ZFPM1: variants seen among roughly 807,000 people sequenced by gnomAD.
ZFPM1 encodes the protein zinc finger protein ZFPM1.
In ZFPM1, 28 loss-of-function variants were observed where a neutral mutation model predicts 46.3. The observed-to-expected ratio is 0.60, with a 90% confidence interval of 0.45 to 0.83. The LOEUF is 0.83. ZFPM1 is among the 40% of genes least tolerant of loss of function. ZFPM1 has a pLI of 0.00. For synonymous variants in ZFPM1, 957 were observed against 675.9 expected (o/e 1.42, Z -6.45); for missense variants, 1,878 against 1,432.4 (o/e 1.31, Z -5.02).
intron 1 of ZFPM1, among the ~76,000 whole-genome samples, chr16:88,472,785 C>G (rs776383065): frequency 6.6e-6 from 1 of 152,274 alleles, no homozygotes. Flanking sequence ...AACTCCACGC[C>G]CTCCCGGCAC....
chr16:88,465,423 G>A (rs1000221302), intron 1 of ZFPM1, among the ~76,000 whole-genome samples: 4 of 152,246 alleles, frequency 2.6e-5, no homozygotes, highest in South Asian at 2.1e-4. Context: ...GGCTGGCTGC[G>A]CCTGTCTTGG....
upstream of ZFPM1, among the ~76,000 whole-genome samples, chr16:88,452,859 C>T (rs1164180744): frequency 6.6e-6 from 1 of 152,204 alleles, no homozygotes; most frequent in Admixed American, 6.5e-5. Flanking sequence ...GGCAGCAGAA[C>T]AGAACCGAAT....
intron 1 of ZFPM1, among the ~76,000 whole-genome samples, chr16:88,463,098 T>G (rs1907973690): frequency 6.6e-6 from 1 of 152,174 alleles, no homozygotes; most frequent in African/African-American, 2.4e-5. Context: ...ACTTCCCTTT[T>G]TTCCATCAAG....
At chr16:88,465,799 G>C (rs1037116281) in intron 1 of ZFPM1, among the ~76,000 whole-genome samples, 1 of 152,226 alleles carries the variant, frequency 6.6e-6, no homozygotes, top group Non-Finnish European at 1.5e-5. Flanking sequence ...GGATAAAGCC[G>C]CCTCCTTCAG....
chr16:88,498,952 G>A (rs1013744171), intron 3 of ZFPM1, among the ~76,000 whole-genome samples: 4 of 152,182 alleles, frequency 2.6e-5, no homozygotes, highest in Admixed American at 2.6e-4. Flanking sequence ...GGCTGCACCC[G>A]GGTCCTGCCT....
intron 1 of ZFPM1, among the ~76,000 whole-genome samples, chr16:88,459,138 G>A (rs944939341): frequency 1.4e-4 from 22 of 152,234 alleles, no homozygotes; most frequent in South Asian, 4.1e-4. Context: ...GTGTGCAGGC[G>A]GCCCCCATGC....
At chr16:88,509,025 C>G (rs1256267094) in intron 3 of ZFPM1, among the ~76,000 whole-genome samples, 3 of 152,180 alleles carry the variant, frequency 2.0e-5, no homozygotes, top group Non-Finnish European at 4.4e-5. Flanking sequence ...CCCCGGTCTG[C>G]CTCCCGTGTG....
At chr16:88,508,593 G>A (rs1349159829) in intron 3 of ZFPM1, among the ~76,000 whole-genome samples, 4 of 152,226 alleles carry the variant, frequency 2.6e-5, no homozygotes, top group African/African-American at 7.2e-5. Context: ...GGTGCCTGCC[G>A]TGGGCCCTGG....
At chr16:88,516,284 C>T in intron 4 of ZFPM1, 1 of 398,314 alleles carries the variant, frequency 2.5e-6, no homozygotes, top group East Asian at 3.6e-5. Context: ...ACGGGCTGCC[C>T]TTTGCCCTAG....
chr16:88,457,275 C>A (rs540405696), intron 1 of ZFPM1, among the ~76,000 whole-genome samples: 1 of 152,374 alleles, frequency 6.6e-6, no homozygotes, highest in East Asian at 1.9e-4. Context: ...GGGAGGCACC[C>A]GGGTGTTGAG....
chr16:88,473,051 C>T (rs1908499811), intron 1 of ZFPM1, among the ~76,000 whole-genome samples: 1 of 152,260 alleles, frequency 6.6e-6, no homozygotes, highest in South Asian at 2.1e-4. Context: ...GCTGCCGTCC[C>T]CCGTGGGACC....
In ZFPM1 at chr16:88,497,900, G is replaced by C. The variant is rs193220618; in HGVS notation, c.268+8747G>C. 6.6e-6 allele frequency among the ~76,000 whole-genome samples: 1 copy of C among 152,212 alleles called. No individual in the cohort carries two copies. Among genetic ancestry groups the C allele is most frequent in the African/African-American group, 2.4e-5 (1 of 41,462 alleles). On this transcript the variant is annotated intron_variant, in intron 3 of 9. Coordinates refer to ENST00000319555, the MANE Select transcript of ZFPM1 (RefSeq NM_153813.3). The surrounding 1 kb of genome is among the most constrained non-coding windows in gnomAD (Gnocchi z 5.4). ...TACGCAAACCTCAAGGCCTGCTATC[G>C]GGTGGAGGCTGAGGCGGGGGCCCGG...
Position 88,460,255 on chromosome 16 carries a change from G to A in ZFPM1, c.40+6577G>A, listed in dbSNP as rs542644735. 5.9e-5 allele frequency among the ~76,000 whole-genome samples: 9 copies of A among 152,322 alleles called. 1 individual carries two copies. Among genetic ancestry groups the A allele is most frequent in the South Asian group, 4.1e-4 (2 of 4,826 alleles). On this transcript the variant is annotated intron_variant, in intron 1 of 9. Transcript: ENST00000319555. Reference sequence around the variant, plus strand: ...CCAAGCGAGAGGCCCAGGGTTTATCGAGGGTCCCCAGCCTACTGTTGGCAG... The same window carrying A: ...CCAAGCGAGAGGCCCAGGGTTTATCAAGGGTCCCCAGCCTACTGTTGGCAG...
intron 3 of ZFPM1, among the ~76,000 whole-genome samples, chr16:88,510,647 G>C (rs535695145): frequency 6.6e-6 from 1 of 152,118 alleles, no homozygotes; most frequent in South Asian, 2.1e-4. Context: ...TCACCCATGC[G>C]GCCTAGGTCC....
chr16:88,454,156 G>T (rs1055146548), intron 1 of ZFPM1, among the ~76,000 whole-genome samples: 9 of 152,174 alleles, frequency 5.9e-5, no homozygotes, highest in African/African-American at 2.2e-4. Context: ...CGAAGAGAGA[G>T]ACCTGGGAGG....
At chr16:88,528,510 C>G (rs1296503873) in intron 6 of ZFPM1, among the ~76,000 whole-genome samples, 1 of 152,224 alleles carries the variant, frequency 6.6e-6, no homozygotes, top group Non-Finnish European at 1.5e-5. Flanking sequence ...CCGCACACCA[C>G]ACTAGAAGCC....
intron 1 of ZFPM1, among the ~76,000 whole-genome samples, chr16:88,461,937 C>T (rs1383780955): frequency 6.6e-6 from 1 of 152,208 alleles, no homozygotes; most frequent in Non-Finnish European, 1.5e-5. Context: ...GGGCCGTGGA[C>T]CCTGGGGGTG....
rs1567541537 is a variant in ZFPM1, at chr16:88,501,587, C to CTGGTG, written c.268+12434_268+12435insTGGTG. Among the ~76,000 whole-genome samples the CTGGTG allele has an allele frequency of 7.4e-4, 84 of 113,000 alleles. 1 individual carries two copies. The highest frequency in any genetic ancestry group is 2.4e-3 in the East Asian group (8 of 3,320). The allele number at this position is 113,000 out of a possible 152,430, so 74.1% of individuals were successfully genotyped here. A position where few individuals can be genotyped will look rare whatever the true frequency, so the allele number is the denominator to read the frequency against. On this transcript the variant is annotated intron_variant, in intron 3 of 9. Coordinates refer to ENST00000319555, the MANE Select transcript of ZFPM1 (RefSeq NM_153813.3). ...ATGATGGAGATAGCGGGTGTGGGTG[C>CTGGTG]ATGGGCTCTCCCGCAGGTACTGGTG...
intron 3 of ZFPM1, among the ~76,000 whole-genome samples, chr16:88,501,188 C>A (rs113958257): frequency 1.1e-5 from 1 of 93,944 alleles, no homozygotes. Context: ...GTGCGGGGGC[C>A]CTCCCGCAGG....
Sources: allele counts gnomAD v4.1 joint callset (sites outside exome capture counted in the v4.1 genomes callset), GRCh38; gene constraint gnomAD v4.1.1; non-coding constraint Gnocchi (gnomAD v3.1); transcripts MANE v1.5; gene names NCBI Gene and HGNC (gene_info 2026-07-23, HGNC 2026-07-21).